PLCXD3: variants seen among roughly 807,000 people sequenced by gnomAD.
PLCXD3 encodes the protein PI-PLC X domain-containing protein 3.
PLCXD3 carries 19 observed loss-of-function variants against 25.5 expected under a neutral mutation model. The observed-to-expected ratio is 0.75, with a 90% CI of 0.52 to 1.09. PLCXD3 has a LOEUF of 1.09. Among genes scored for constraint, PLCXD3 ranks in the 50% least tolerant of loss-of-function variants. The pLI is 0.00. For synonymous variants in PLCXD3, 174 were observed against 137.6 expected (o/e 1.26, Z -1.85); for missense variants, 411 against 388.1 (o/e 1.06, Z -0.50).
In PLCXD3 at chr5:41,381,832, G is replaced by A; in HGVS notation, c.806C>T (p.Thr269Ile). Residue 269 changes from threonine to isoleucine, a missense_variant, in exon 2 of 3, where the codon ACA becomes ATA. Thr to Ile is a moderately conservative substitution (Grantham distance 89, BLOSUM62 -1). Coordinates refer to ENST00000377801, the MANE Select transcript of PLCXD3 (RefSeq NM_001005473.3). ...ACATTTTAAAGACACTTACCTTTCT[G>A]TGATTGTTTCTCTGAGGCCACTTGC... ...GVASGLRETI[T>I]ERALPAMMQW... 1 of 1,604,226 alleles carries A rather than the reference G, an allele frequency of 6.2e-7. No homozygotes were observed. Among genetic ancestry groups the A allele is most frequent in the Non-Finnish European group, 8.5e-7 (1 of 1,175,728 alleles).
chr5:41,482,505 A>G (rs539510813), intron 1 of PLCXD3, among the ~76,000 whole-genome samples: 1 of 152,308 alleles, frequency 6.6e-6, no homozygotes, highest in East Asian at 1.9e-4. Context: ...GAAGTATAAT[A>G]CATTAGTCTG....
intron 1 of PLCXD3, among the ~76,000 whole-genome samples, chr5:41,421,796 C>T (rs372687237): frequency 6.6e-6 from 1 of 152,164 alleles, no homozygotes; most frequent in South Asian, 2.1e-4. Context: ...TTAATTTCAG[C>T]TGATTTGAAA....
intron 1 of PLCXD3, among the ~76,000 whole-genome samples, chr5:41,432,476 G>C (rs1331636954): frequency 1.3e-5 from 2 of 152,312 alleles, no homozygotes; most frequent in African/African-American, 4.8e-5. Context: ...ACTGCATTGA[G>C]GTTGTTCATT....
At chr5:41,406,579 C>T (rs1014638226) in intron 1 of PLCXD3, among the ~76,000 whole-genome samples, 1 of 152,146 alleles carries the variant, frequency 6.6e-6, no homozygotes, top group African/African-American at 2.4e-5. Flanking sequence ...TGTACTGTGT[C>T]ATGGTAAATA....
At position 41,358,559 on chromosome 5, in the gene PLCXD3, GT is replaced by G. The variant is rs1744684981; in HGVS notation, c.812+23266del. Among the ~76,000 whole-genome samples the G allele has an allele frequency of 2.0e-5, 3 of 152,208 alleles. No homozygotes were observed. The South Asian group carries it at 6.2e-4, about 32-fold the overall frequency. On this transcript the variant is annotated intron_variant, in intron 2 of 2. Coordinates refer to ENST00000377801, the MANE Select transcript of PLCXD3 (RefSeq NM_001005473.3). ...TATAAGTGAGAACATATGATGTTTG[GT>G]TTTCCATTCCTGGGTTACTTCACTT...
At chr5:41,316,269 C>A (rs1197256343) in intron 2 of PLCXD3, among the ~76,000 whole-genome samples, 1 of 152,130 alleles carries the variant, frequency 6.6e-6, no homozygotes, top group Non-Finnish European at 1.5e-5. Context: ...CAGAAGGGAA[C>A]CTGCTGCCTT....
rs372673128 is a variant in PLCXD3, at chr5:41,506,496, G to A, written c.103+3928C>T. On this transcript the variant is annotated intron_variant, in intron 1 of 2. Transcript: ENST00000377801. ...TCCACTAATAAATGGGGTAGGAGGT[G>A]AGAACTGCTCTTGTTTTGTTCTTTA... 1.5e-4 allele frequency among the ~76,000 whole-genome samples: 23 copies of A among 152,318 alleles called. No homozygotes were observed. In the South Asian group the frequency reaches 4.6e-3, roughly 30 times the overall value.
intron 2 of PLCXD3, 147 bp from the exon 3 acceptor site, chr5:41,313,917 CTG>C (rs1743214661): frequency 5.5e-6 from 5 of 913,600 alleles, no homozygotes; most frequent in South Asian, 3.9e-5. Flanking sequence ...CAAATGGACT[CTG>C]GGGATTTTTT....
At chr5:41,322,963 A>T (rs1381573843) in intron 2 of PLCXD3, among the ~76,000 whole-genome samples, 2 of 126,786 alleles carry the variant, frequency 1.6e-5, no homozygotes, top group East Asian at 4.2e-4. Context: ...ACAGAACAAG[A>T]CTCTGTCTAA....
chr5:41,356,617 G>T (rs922484824), intron 2 of PLCXD3, among the ~76,000 whole-genome samples: 6 of 151,986 alleles, frequency 3.9e-5, no homozygotes, highest in Non-Finnish European at 7.4e-5. Flanking sequence ...AAATGAAAAC[G>T]GCCCCTTATT....
chr5:41,379,754 G>C (rs1745399889), intron 2 of PLCXD3, among the ~76,000 whole-genome samples: 1 of 151,954 alleles, frequency 6.6e-6, no homozygotes. Context: ...AAAACATTGT[G>C]GAAATGAACA....
intron 2 of PLCXD3, among the ~76,000 whole-genome samples, chr5:41,330,882 A>T (rs1743781180): frequency 6.6e-6 from 1 of 152,254 alleles, no homozygotes; most frequent in Non-Finnish European, 1.5e-5. Context: ...AAGACCTTTG[A>T]CAAAATTCAA....
chr5:41,375,613 T>C (rs1003150303), intron 2 of PLCXD3, among the ~76,000 whole-genome samples: 4 of 152,120 alleles, frequency 2.6e-5, no homozygotes, highest in East Asian at 3.9e-4. Flanking sequence ...CAATGCTTCC[T>C]TAGGGGGTTC....
intron 1 of PLCXD3, among the ~76,000 whole-genome samples, chr5:41,474,520 A>T (rs1283431663): frequency 2.6e-5 from 4 of 152,198 alleles, no homozygotes; most frequent in Non-Finnish European, 4.4e-5. Flanking sequence ...AAGGCAATTG[A>T]AAAATGTGCA....
chr5:41,357,585 A>C (rs929634328), intron 2 of PLCXD3, among the ~76,000 whole-genome samples: 8 of 152,212 alleles, frequency 5.3e-5, no homozygotes, highest in African/African-American at 1.9e-4. Flanking sequence ...CAGGCAGTCA[A>C]CCAGTGCTTC....
chr5:41,347,227 T>C (rs1410150104), intron 2 of PLCXD3, among the ~76,000 whole-genome samples: 1 of 152,212 alleles, frequency 6.6e-6, no homozygotes. Flanking sequence ...TTTAATAAAT[T>C]GATATTTTAG....
intron 1 of PLCXD3, among the ~76,000 whole-genome samples, chr5:41,474,550 C>T (rs1041487478): frequency 6.6e-6 from 1 of 152,174 alleles, no homozygotes; most frequent in East Asian, 1.9e-4. Flanking sequence ...TTGTACGGTA[C>T]AGGTGGGTCC....
chr5:41,491,817 C>G (rs1218527376), intron 1 of PLCXD3, among the ~76,000 whole-genome samples: 1 of 151,482 alleles, frequency 6.6e-6, no homozygotes, highest in Non-Finnish European at 1.5e-5. Context: ...TTATTTTGAG[C>G]CTATGTGTGT....
Position 41,498,859 on chromosome 5 carries a change from T to C in PLCXD3, c.103+11565A>G, listed in dbSNP as rs562722543. Among the ~76,000 whole-genome samples, 5 of 151,744 alleles carry C rather than the reference T, an allele frequency of 3.3e-5. No individual in the cohort carries two copies. In the East Asian group the frequency reaches 9.7e-4, roughly 29 times the overall value. ...GTAAAGATGATTCAACATATAAAAA[T>C]CAATTAATGTGATATACCATGTAAA... is the stretch of plus-strand genomic sequence containing the variant. On this transcript the variant is annotated intron_variant, in intron 1 of 2. Transcript: ENST00000377801.
Sources: allele counts gnomAD v4.1 joint callset (sites outside exome capture counted in the v4.1 genomes callset), GRCh38; gene constraint gnomAD v4.1.1; transcripts MANE v1.5; gene names NCBI Gene and HGNC (gene_info 2026-07-23, HGNC 2026-07-21).